Variants in TBC1D32 observed in about 807,000 individuals in gnomAD.
TBC1D32 encodes TBC1 domain family member 32.
In TBC1D32, 151 loss-of-function variants were observed where a neutral mutation model predicts 170.3. The ratio of observed to expected loss-of-function variants is 0.89; its 90% CI spans 0.78 to 1.01. The LOEUF (loss-of-function observed/expected upper bound fraction) is 1.01. TBC1D32 is among the 50% of genes least tolerant of loss of function. The pLI, the probability that TBC1D32 is intolerant of heterozygous loss-of-function variation, is 0.00. For synonymous variants in TBC1D32, 498 were observed against 488.0 expected (o/e 1.02, Z -0.27); for missense variants, 1,464 against 1,457.1 (o/e 1.00, Z -0.08).
chr6:121,083,610 A>G (rs1270183558), intron 31 of TBC1D32, among the ~76,000 whole-genome samples: 1 of 152,124 alleles, frequency 6.6e-6, no homozygotes, highest in African/African-American at 2.4e-5. Flanking sequence ...AACTATTGAG[A>G]GCATTTGATT....
In TBC1D32 at chr6:121,128,510, C is replaced by G. The variant is rs555521747; in HGVS notation, c.2900-2049G>C. On this transcript the variant is annotated intron_variant, in intron 25 of 31. Transcript: ENST00000398212. ...TCCTTAATTATAAAACAAATTAATT[C>G]TAGGATGTTACTGTCCAGAAAGTAA... Among the ~76,000 whole-genome samples the G allele has an allele frequency of 2.0e-5, 3 of 152,108 alleles. No homozygotes were observed. The East Asian group carries it at 5.8e-4, about 29-fold the overall frequency.
At chr6:121,161,937 T>C (rs545064242) in intron 22 of TBC1D32, among the ~76,000 whole-genome samples, 6 of 152,384 alleles carry the variant, frequency 3.9e-5, no homozygotes, top group Admixed American at 2.0e-4. Flanking sequence ...TGATCAGTGA[T>C]GTTAAACTTT....
At chr6:121,118,041 T>G (rs1219250564) in intron 26 of TBC1D32, among the ~76,000 whole-genome samples, 1 of 152,124 alleles carries the variant, frequency 6.6e-6, no homozygotes, top group South Asian at 2.1e-4. Flanking sequence ...AATTAATTGA[T>G]CTAGGAAAAA....
intron 5 of TBC1D32, 102 bp from the exon 6 acceptor site, chr6:121,304,935 C>G: frequency 1.4e-6 from 1 of 739,764 alleles, no homozygotes; most frequent in Non-Finnish European, 2.2e-6. Flanking sequence ...AAAATAAATA[C>G]AAATAAACCA....
intron 30 of TBC1D32, among the ~76,000 whole-genome samples, chr6:121,094,692 T>C (rs1777192595): frequency 6.6e-6 from 1 of 152,114 alleles, no homozygotes; most frequent in Non-Finnish European, 1.5e-5. Flanking sequence ...TCCTATAGGT[T>C]CCCCTCCTTT....
At chr6:121,270,264 G>A (rs1233858812) in intron 15 of TBC1D32, among the ~76,000 whole-genome samples, 2 of 152,056 alleles carry the variant, frequency 1.3e-5, no homozygotes, top group Non-Finnish European at 2.9e-5. Context: ...ACTAAGATCA[G>A]AGCAGAACTG....
At chr6:121,124,734 C>T (rs1780652138) in intron 26 of TBC1D32, among the ~76,000 whole-genome samples, 1 of 149,698 alleles carries the variant, frequency 6.7e-6, no homozygotes, top group Non-Finnish European at 1.5e-5. Context: ...TTTTTCTCCT[C>T]AGACTATGTA....
chr6:121,267,869 G>C (rs567045797), intron 15 of TBC1D32, among the ~76,000 whole-genome samples: 1 of 152,174 alleles, frequency 6.6e-6, no homozygotes, highest in Non-Finnish European at 1.5e-5. Flanking sequence ...AGGGGCCAAT[G>C]GACACCTCAT....
At chr6:121,237,456 T>G (rs73768941) in intron 20 of TBC1D32, among the ~76,000 whole-genome samples, 1 of 151,948 alleles carries the variant, frequency 6.6e-6, no homozygotes, top group East Asian at 1.9e-4. Context: ...AATTTGAAGA[T>G]TTTCCACTAT....
chr6:121,228,182 A>G (rs750131958), intron 20 of TBC1D32, among the ~76,000 whole-genome samples: 9 of 152,020 alleles, frequency 5.9e-5, no homozygotes, highest in East Asian at 1.9e-4. Flanking sequence ...TCATCAATCT[A>G]GTGAGGGGTT....
intron 24 of TBC1D32, 114 bp downstream of exon 24, chr6:121,159,896 A>G: frequency 1.6e-6 from 1 of 640,688 alleles, no homozygotes; most frequent in East Asian, 2.8e-5. Flanking sequence ...GCATAAATGC[A>G]CACATGTATA....
At chr6:121,210,740 A>T (rs1792927431) in intron 21 of TBC1D32, among the ~76,000 whole-genome samples, 1 of 152,234 alleles carries the variant, frequency 6.6e-6, no homozygotes, top group South Asian at 2.1e-4. Context: ...CTAACTGGTC[A>T]CAAAAGGTCA....
chr6:121,152,772 T>C (rs1302253874), intron 24 of TBC1D32, among the ~76,000 whole-genome samples: 2 of 152,140 alleles, frequency 1.3e-5, no homozygotes, highest in Non-Finnish European at 2.9e-5. Flanking sequence ...CCTGATACAC[T>C]TTCTTCCGCT....
At chr6:121,097,022 CTT>C (rs1777494804) in intron 30 of TBC1D32, among the ~76,000 whole-genome samples, 1 of 152,056 alleles carries the variant, frequency 6.6e-6, no homozygotes, top group Admixed American at 6.6e-5. Context: ...GGACCCCTTC[CTT>C]ATACTTTATA....
At chr6:121,269,623 T>A (rs958088381) in intron 15 of TBC1D32, among the ~76,000 whole-genome samples, 4 of 152,034 alleles carry the variant, frequency 2.6e-5, no homozygotes, top group African/African-American at 7.2e-5. Flanking sequence ...AAGTCCTTAG[T>A]GACCTACAAA....
chr6:121,192,163 TAA>T (rs1271279330), intron 22 of TBC1D32, among the ~76,000 whole-genome samples: 2 of 151,388 alleles, frequency 1.3e-5, no homozygotes, highest in Non-Finnish European at 2.9e-5. Context: ...AATAGAATAT[TAA>T]GGATGTTCTT....
At chr6:121,313,108 GTGTGTGT>G (rs1808454373) in intron 3 of TBC1D32, among the ~76,000 whole-genome samples, 4 of 1,300 alleles carry the variant, frequency 3.1e-3, no homozygotes, top group Middle Eastern at 0.5. Flanking sequence ...CTAAGGTGGT[GTGTGTGT>G]GTGTGTGTGT....
At position 121,290,781 on chromosome 6, in the gene TBC1D32, A is replaced by G. The variant is rs1406126533; in HGVS notation, c.1372+1272T>C. 5.9e-5 allele frequency among the ~76,000 whole-genome samples: 9 copies of G among 151,876 alleles called. No individual in the cohort carries two copies. The East Asian group carries it at 1.7e-3, about 30-fold the overall frequency. On this transcript the variant is annotated intron_variant, in intron 12 of 31. Transcript: ENST00000398212. ...TCCAACAATGATAGACTGGATTAAG[A>G]AAATGTGGCACACATACACCATGGA...
At chr6:121,198,236 AAT>A (rs72159936) in intron 22 of TBC1D32, among the ~76,000 whole-genome samples, 83,072 of 129,340 alleles carry the variant, frequency 0.64, 30,040 homozygotes, top group Non-Finnish European at 0.81. Context: ...AATATATATA[AAT>A]ATATATATTA....
Sources: gnomAD v4.1 joint callset for allele counts (sites outside exome capture counted in the v4.1 genomes callset) on GRCh38, gnomAD v4.1.1 for gene constraint, MANE v1.5 for transcripts, NCBI Gene and HGNC (gene_info 2026-07-23, HGNC 2026-07-21) for gene names.